The following STPG2 variants were observed in gnomAD, a reference collection of about 807,000 sequenced individuals.
STPG2 encodes sperm-tail PG-rich repeat-containing protein 2.
In STPG2, 56 loss-of-function variants were observed where a neutral mutation model predicts 54.2. The observed-to-expected ratio is 1.03, with a 90% CI of 0.83 to 1.29. The LOEUF is 1.29. Ranked by LOEUF, STPG2 falls within the 50% of genes most tolerant of loss-of-function variation. The pLI, the probability that STPG2 is intolerant of heterozygous loss-of-function variation, is 0.00. For missense variants in STPG2, 596 were observed against 544.9 expected (o/e 1.09, Z -0.93); for synonymous variants, 200 against 181.8 (o/e 1.10, Z -0.81).
At chr4:97,489,206 C>G (rs2148826151) in intron 4 of STPG2, among the ~76,000 whole-genome samples, 1 of 151,802 alleles carries the variant, frequency 6.6e-6, no homozygotes, top group Admixed American at 6.6e-5. Context: ...GGCCTCCACA[C>G]CCATTTGGAA....
chr4:97,817,678 C>T (rs1351429558), intron 9 of STPG2, among the ~76,000 whole-genome samples: 2 of 151,964 alleles, frequency 1.3e-5, no homozygotes, highest in African/African-American at 4.8e-5. Flanking sequence ...AAATCTATCC[C>T]AGAGCATTCC....
chr4:97,852,657 A>G (rs1404845220), intron 8 of STPG2, among the ~76,000 whole-genome samples: 2 of 152,154 alleles, frequency 1.3e-5, no homozygotes, highest in Admixed American at 6.5e-5. Flanking sequence ...TACTTCAAAA[A>G]CAATTATGTA....
At chr4:97,691,234 T>C (rs1004135128) in intron 10 of STPG2, among the ~76,000 whole-genome samples, 1 of 152,126 alleles carries the variant, frequency 6.6e-6, no homozygotes, top group Non-Finnish European at 1.5e-5. Context: ...CATGGGACAG[T>C]AAGTCAGTTT....
intron 10 of STPG2, among the ~76,000 whole-genome samples, chr4:97,628,228 T>C (rs1734184000): frequency 6.6e-6 from 1 of 152,120 alleles, no homozygotes; most frequent in Admixed American, 6.5e-5. Flanking sequence ...TTGCTCCTGA[T>C]ATTAGCAGGA....
At chr4:98,026,277 T>G in intron 5 of STPG2, 1 of 761,904 alleles carries the variant, frequency 1.3e-6, no homozygotes, top group South Asian at 1.6e-5. Context: ...AACCAAACAA[T>G]TTTCTATGAA....
chr4:97,849,971 C>T (rs1337570667), intron 8 of STPG2, among the ~76,000 whole-genome samples: 4 of 151,788 alleles, frequency 2.6e-5, no homozygotes, highest in Non-Finnish European at 5.9e-5. Context: ...CACATGCACA[C>T]GTATGTTTAT....
intron 4 of STPG2, among the ~76,000 whole-genome samples, chr4:97,470,199 A>T (rs1381911500): frequency 6.6e-6 from 1 of 152,124 alleles, no homozygotes; most frequent in African/African-American, 2.4e-5. Context: ...AATAAAATAA[A>T]GTAAGAAGGC....
intron 8 of STPG2, among the ~76,000 whole-genome samples, chr4:97,911,783 G>A (rs1477636001): frequency 6.6e-6 from 1 of 152,110 alleles, no homozygotes; most frequent in Non-Finnish European, 1.5e-5. Context: ...GAGAGTCTGG[G>A]CGGTCTGCAG....
chr4:98,135,294 T>G (rs1355395235), intron 1 of STPG2, among the ~76,000 whole-genome samples: 3 of 151,760 alleles, frequency 2.0e-5, no homozygotes, highest in African/African-American at 4.8e-5. Flanking sequence ...TAATCTGGAC[T>G]AATAATAAAA....
At chr4:97,552,168 C>T (rs1428331422) in intron 4 of STPG2, among the ~76,000 whole-genome samples, 8 of 151,970 alleles carry the variant, frequency 5.3e-5, no homozygotes, top group African/African-American at 1.2e-4. Context: ...TCATTCTATT[C>T]GGTATATCTC....
chr4:97,704,619 A>G (rs1253417077), intron 10 of STPG2, among the ~76,000 whole-genome samples: 3 of 152,220 alleles, frequency 2.0e-5, no homozygotes, highest in African/African-American at 7.2e-5. Context: ...GCTTTTAAAC[A>G]TTCACTTTGG....
At chr4:97,635,177 A>C (rs376260202) in intron 10 of STPG2, among the ~76,000 whole-genome samples, 3 of 152,026 alleles carry the variant, frequency 2.0e-5, no homozygotes, top group Non-Finnish European at 2.9e-5. Flanking sequence ...GAGAGTGGGG[A>C]CCAATATTCA....
intron 9 of STPG2, among the ~76,000 whole-genome samples, chr4:97,781,598 C>G (rs1457088689): frequency 6.6e-6 from 1 of 152,102 alleles, no homozygotes; most frequent in Non-Finnish European, 1.5e-5. Context: ...CATCATCATC[C>G]TGATACTAAA....
At chr4:97,452,508 G>A (rs1729403295) in intron 4 of STPG2, among the ~76,000 whole-genome samples, 1 of 152,110 alleles carries the variant, frequency 6.6e-6, no homozygotes, top group Admixed American at 6.5e-5. Flanking sequence ...GGACCAGTTG[G>A]CATGTACTTC....
intron 4 of STPG2, among the ~76,000 whole-genome samples, chr4:97,465,183 A>G (rs1009445636): frequency 5.3e-5 from 8 of 152,190 alleles, no homozygotes; most frequent in African/African-American, 1.9e-4. Context: ...TGTCAAAATT[A>G]CCATTGTACT....
intron 7 of STPG2, among the ~76,000 whole-genome samples, chr4:97,971,106 C>T (rs1348916372): frequency 6.6e-6 from 1 of 152,162 alleles, no homozygotes; most frequent in Admixed American, 6.5e-5. Flanking sequence ...CAATGAGATA[C>T]CATCTCACAC....
chr4:97,615,104 A>C (rs1051739634), intron 10 of STPG2, among the ~76,000 whole-genome samples: 1 of 152,202 alleles, frequency 6.6e-6, no homozygotes, highest in East Asian at 1.9e-4. Flanking sequence ...TAATGGTTTC[A>C]CCATTCTTCC....
At chr4:97,958,194 C>A (rs190116934) in intron 7 of STPG2, among the ~76,000 whole-genome samples, 20 of 152,012 alleles carry the variant, frequency 1.3e-4, no homozygotes, top group Non-Finnish European at 2.8e-4. Flanking sequence ...CCTCTAATCC[C>A]AGCTACTTGA....
chr4:97,737,996 G>C (rs1393289340), intron 9 of STPG2, among the ~76,000 whole-genome samples: 1 of 152,146 alleles, frequency 6.6e-6, no homozygotes, highest in African/African-American at 2.4e-5. Context: ...AAGCCCATCA[G>C]GCTAACAGCG....
Sources: allele counts gnomAD v4.1 joint callset (sites outside exome capture counted in the v4.1 genomes callset), GRCh38; gene constraint gnomAD v4.1.1; transcripts MANE v1.5; gene names NCBI Gene and HGNC (gene_info 2026-07-23, HGNC 2026-07-21).